The following FRMD4B variants were observed in gnomAD, a reference collection of about 807,000 sequenced individuals.
The protein encoded by FRMD4B is FERM domain-containing protein 4B.
Under a neutral mutation model 141.5 loss-of-function variants are expected in FRMD4B, and 74 were observed. That is an observed-to-expected ratio of 0.52 (90% CI 0.43 to 0.63). The LOEUF (loss-of-function observed/expected upper bound fraction) is 0.63, where lower values mean the gene tolerates loss of function less well. Ranked by LOEUF, FRMD4B falls within the 30% of genes least tolerant of loss-of-function variation. The pLI is 0.00. For missense variants in FRMD4B, 1,366 were observed against 1,253.4 expected (o/e 1.09, Z -1.36); for synonymous variants, 506 against 467.9 (o/e 1.08, Z -1.05).
In FRMD4B at chr3:69,516,786, T is replaced by A. The variant is rs556969634; in HGVS notation, c.-129+25420A>T. On this transcript the variant is annotated intron_variant, in intron 1 of 5. Transcript: ENST00000459638. ...AATCTGGTCTCTAAGCAATAATTAA[T>A]CATCAGTGAAACAAAGTTATTATTC... Among the ~76,000 whole-genome samples the A allele has an allele frequency of 4.6e-5, 7 of 152,290 alleles. No homozygotes were observed. In the South Asian group the frequency reaches 1.5e-3, roughly 32 times the overall value.
intron 1 of FRMD4B, among the ~76,000 whole-genome samples, chr3:69,450,851 T>G (rs1705486053): frequency 6.6e-6 from 1 of 152,194 alleles, no homozygotes; most frequent in Non-Finnish European, 1.5e-5. Context: ...GATGGTACAT[T>G]TGCCATGAAA....
chr3:69,493,082 G>A (rs182167694), intron 1 of FRMD4B, among the ~76,000 whole-genome samples: 1 of 152,262 alleles, frequency 6.6e-6, no homozygotes, highest in East Asian at 1.9e-4. Flanking sequence ...TATCTTACAA[G>A]CAGCCAACAA....
At chr3:69,369,450 A>G (rs1459051235) in intron 1 of FRMD4B, among the ~76,000 whole-genome samples, 1 of 152,198 alleles carries the variant, frequency 6.6e-6, no homozygotes, top group Non-Finnish European at 1.5e-5. Context: ...TTGTAACCTA[A>G]TTTAGTATAT....
At chr3:69,539,880 C>T (rs1410576786) in intron 1 of FRMD4B, among the ~76,000 whole-genome samples, 1 of 152,068 alleles carries the variant, frequency 6.6e-6, no homozygotes. Context: ...TTTATTACAA[C>T]ATTTTCAGAT....
chr3:69,193,456 C>T (rs1052860698), intron 17 of FRMD4B, among the ~76,000 whole-genome samples, 192 bp downstream of exon 17: 13 of 152,220 alleles, frequency 8.5e-5, no homozygotes, highest in East Asian at 3.9e-4. Context: ...TGCAGTGAGC[C>T]GAGATTGCCC....
At position 69,340,758 on chromosome 3, in the gene FRMD4B, C is replaced by T. The variant is rs976584839; in HGVS notation, c.163-27241G>A. On this transcript the variant is annotated intron_variant, in intron 1 of 22. Coordinates refer to ENST00000398540, the MANE Select transcript of FRMD4B (RefSeq NM_015123.3). The stretch of plus-strand genomic sequence containing the variant: ...CCATAGCTCTTATTATGAGTGTTAT[C>T]GTCTTTTAGTTCTCTATACTTCTTT... 2.6e-5 allele frequency among the ~76,000 whole-genome samples: 4 copies of T among 152,126 alleles called. No individual in the cohort carries two copies. In the East Asian group the frequency reaches 7.7e-4, roughly 29 times the overall value.
At chr3:69,193,568 T>G in intron 17 of FRMD4B, 80 bp downstream of exon 17, 1 of 735,548 alleles carries the variant, frequency 1.4e-6, no homozygotes, top group Non-Finnish European at 2.3e-6. Flanking sequence ...TCTCATCAAC[T>G]GGTAACTGGT....
At chr3:69,349,289 G>T (rs1186979087) in intron 1 of FRMD4B, among the ~76,000 whole-genome samples, 1 of 152,096 alleles carries the variant, frequency 6.6e-6, no homozygotes, top group Non-Finnish European at 1.5e-5. Flanking sequence ...CCTCTTCAAG[G>T]AGAACTACAA....
rs781662739 is a variant in FRMD4B, at chr3:69,253,181, C to CTTTTTTTTTTTTTTTT, written c.502-3083_502-3082insAAAAAAAAAAAAAAAA. On this transcript the variant is annotated intron_variant, in intron 5 of 22. Coordinates refer to ENST00000398540, the MANE Select transcript of FRMD4B (RefSeq NM_015123.3). The stretch of plus-strand genomic sequence containing the variant: ...AGGGAAATTAGTGAAAATATGATTC[C>CTTTTTTTTTTTTTTTT]TATTTTTTTTTTTTTTTTTTTTTGC... Among the ~76,000 whole-genome samples the CTTTTTTTTTTTTTTTT allele has an allele frequency of 1.6e-5, 2 of 121,952 alleles. 1 individual carries two copies. The highest frequency in any genetic ancestry group is 3.4e-5 in the Non-Finnish European group (2 of 58,818). The allele number at this position is 121,952 out of a possible 152,430, so 80.0% of individuals were successfully genotyped here. A position where few individuals can be genotyped will look rare whatever the true frequency, so the allele number is the denominator to read the frequency against.
intron 1 of FRMD4B, among the ~76,000 whole-genome samples, chr3:69,445,919 G>C (rs73111224): frequency 0.25 from 38,558 of 152,106 alleles, 5,530 homozygotes; most frequent in East Asian, 0.45. Flanking sequence ...CCTCCAAGAG[G>C]AGGGAGATAT....
At chr3:69,339,387 G>T (rs1223569101) in intron 1 of FRMD4B, among the ~76,000 whole-genome samples, 3 of 152,144 alleles carry the variant, frequency 2.0e-5, no homozygotes, top group African/African-American at 7.2e-5. Context: ...TAGCCGGTGG[G>T]ACTTTGGGCA....
intron 1 of FRMD4B, among the ~76,000 whole-genome samples, chr3:69,350,430 T>C (rs1448188980): frequency 6.6e-6 from 1 of 152,150 alleles, no homozygotes; most frequent in Non-Finnish European, 1.5e-5. Context: ...TCCTCAGGGA[T>C]CTAGCAGTAG....
chr3:69,440,705 G>A (rs1705329652), intron 1 of FRMD4B, among the ~76,000 whole-genome samples: 2 of 152,128 alleles, frequency 1.3e-5, no homozygotes, highest in Admixed American at 1.3e-4. Context: ...CTACTTGAGG[G>A]GCTAAGGCAC....
chr3:69,437,796 T>C (rs1385216797), intron 1 of FRMD4B, among the ~76,000 whole-genome samples: 1 of 129,584 alleles, frequency 7.7e-6, no homozygotes, highest in African/African-American at 3.1e-5. Flanking sequence ...TATTTATATA[T>C]ATTTATATTT....
intron 7 of FRMD4B, among the ~76,000 whole-genome samples, chr3:69,235,736 G>C (rs1559740933): frequency 6.6e-6 from 1 of 152,088 alleles, no homozygotes; most frequent in Non-Finnish European, 1.5e-5. Flanking sequence ...ATTACCAGGT[G>C]GCAGAGAGTG....
At chr3:69,212,387 A>C (rs1162054073) in intron 11 of FRMD4B, among the ~76,000 whole-genome samples, 2 of 140,418 alleles carry the variant, frequency 1.4e-5, no homozygotes, top group East Asian at 3.9e-4. Flanking sequence ...AAAAGAAAAA[A>C]AAAAAGAAAA....
rs536560957 is a variant in FRMD4B, at chr3:69,437,784, T to G, written c.-128-5023A>C. 3.4e-3 allele frequency among the ~76,000 whole-genome samples: 419 copies of G among 123,616 alleles called. 6 individuals are homozygous for G. Among genetic ancestry groups the G allele is most frequent in the African/African-American group, 0.013 (388 of 30,610 alleles). 81.1% of individuals were successfully genotyped at this position (123,616 alleles called of 152,430 possible). A position where few individuals can be genotyped will look rare whatever the true frequency, so the allele number is the denominator to read the frequency against. On this transcript the variant is annotated intron_variant, in intron 1 of 5. Coordinates refer to the FRMD4B transcript ENST00000459638. ...TAAATACTATATATACTATATATAC[T>G]ATATTTATATATATTTATATTTTTA... is the stretch of plus-strand genomic sequence containing the variant.
chr3:69,350,528 T>C (rs1483926889), intron 1 of FRMD4B, among the ~76,000 whole-genome samples: 4 of 152,154 alleles, frequency 2.6e-5, no homozygotes, highest in African/African-American at 7.2e-5. Context: ...TGAACATGTA[T>C]GTTTACTGTG....
intron 1 of FRMD4B, among the ~76,000 whole-genome samples, chr3:69,337,053 C>T (rs1407201700): frequency 2.6e-5 from 4 of 152,172 alleles, no homozygotes; most frequent in Non-Finnish European, 5.9e-5. Flanking sequence ...TGACTTCAAA[C>T]TATACTACAA....
Sources: gnomAD v4.1 joint callset for allele counts (sites outside exome capture counted in the v4.1 genomes callset) on GRCh38, gnomAD v4.1.1 for gene constraint, MANE v1.5 for transcripts, NCBI Gene and HGNC (gene_info 2026-07-23, HGNC 2026-07-21) for gene names.